The following KALRN variants were observed in gnomAD, a reference collection of about 807,000 sequenced individuals.
The protein encoded by KALRN is kalirin RhoGEF kinase, also known as kalirin.
In KALRN, 70 loss-of-function variants were observed where a neutral mutation model predicts 353.7. The ratio of observed to expected loss-of-function variants is 0.20; its 90% CI spans 0.16 to 0.24. The LOEUF (loss-of-function observed/expected upper bound fraction) is 0.24, where lower values mean the gene tolerates loss of function less well. KALRN is among the 10% of genes least tolerant of loss of function. KALRN has a pLI of 1.00. For missense variants in KALRN, 2,791 were observed against 3,756.7 expected (o/e 0.74, Z 6.72); for synonymous variants, 1,391 against 1,434.8 (o/e 0.97, Z 0.69).
At chr3:124,156,396 C>T (rs1020388944) in intron 1 of KALRN, among the ~76,000 whole-genome samples, 11 of 152,208 alleles carry the variant, frequency 7.2e-5, no homozygotes, top group Non-Finnish European at 1.5e-5. Flanking sequence ...TAGTTTACCT[C>T]TAATAGTCTC....
intron 5 of KALRN, among the ~76,000 whole-genome samples, chr3:124,292,784 G>A (rs917333691): frequency 2.6e-5 from 4 of 152,180 alleles, no homozygotes; most frequent in Non-Finnish European, 4.4e-5. Flanking sequence ...GGAAATATGT[G>A]CAATAGAATA....
chr3:124,492,716 G>A (rs1442158335), intron 31 of KALRN, 24 bp from the exon 32 acceptor site: 2 of 1,611,624 alleles, frequency 1.2e-6, no homozygotes, highest in African/African-American at 1.3e-5. Flanking sequence ...GGGGTTCTCA[G>A]TCTTTCTCCC....
At chr3:124,533,021 A>C (rs1343298927) in intron 33 of KALRN, among the ~76,000 whole-genome samples, 3 of 148,492 alleles carry the variant, frequency 2.0e-5, no homozygotes, top group African/African-American at 7.3e-5. Flanking sequence ...ACCTAATTAT[A>C]TATATAATTA....
intron 37 of KALRN, among the ~76,000 whole-genome samples, chr3:124,645,710 A>G (rs1015144390): frequency 4.0e-5 from 6 of 151,774 alleles, no homozygotes; most frequent in South Asian, 2.1e-4. Flanking sequence ...TTGTCCATCA[A>G]TAACACTTAG....
At chr3:124,612,859 G>A (rs929594303) in intron 34 of KALRN, among the ~76,000 whole-genome samples, 4 of 152,116 alleles carry the variant, frequency 2.6e-5, no homozygotes, top group African/African-American at 9.7e-5. Flanking sequence ...TAATAAAGTA[G>A]TATCTTCAAA....
In KALRN at chr3:124,048,957, G is replaced by A. The variant is rs917235780; in HGVS notation, c.73+15144G>A. On this transcript the variant is annotated intron_variant, in intron 1 of 59. Coordinates refer to ENST00000682506, the MANE Select transcript of KALRN (RefSeq NM_001388419.1). ...AAAGGCCATTCATTTTTTTGATCTT[G>A]TTCAAAGGTGACTGTAGGACAACTG... 3.9e-5 allele frequency among the ~76,000 whole-genome samples: 6 copies of A among 152,138 alleles called. No individual in the cohort carries two copies. The South Asian group carries it at 1.2e-3, about 31-fold the overall frequency.
chr3:124,315,358 C>T (rs2078705178), intron 6 of KALRN, among the ~76,000 whole-genome samples: 3 of 152,200 alleles, frequency 2.0e-5, no homozygotes, highest in African/African-American at 7.2e-5. Flanking sequence ...CTCTAGTGCA[C>T]ACATGGCCTG....
intron 25 of KALRN, among the ~76,000 whole-genome samples, chr3:124,473,298 T>A (rs1045675006): frequency 6.6e-6 from 1 of 152,224 alleles, no homozygotes; most frequent in Admixed American, 6.5e-5. Context: ...AGTAGAGTAA[T>A]GCAGAACCAC....
intron 1 of KALRN, among the ~76,000 whole-genome samples, chr3:124,125,621 G>A: frequency 6.6e-6 from 1 of 152,194 alleles, no homozygotes; most frequent in East Asian, 1.9e-4. Context: ...ATTTGAGGGA[G>A]TCTAAGGGAG....
At chr3:124,101,804 T>G (rs1238300914) in intron 1 of KALRN, among the ~76,000 whole-genome samples, 1 of 152,150 alleles carries the variant, frequency 6.6e-6, no homozygotes, top group Non-Finnish European at 1.5e-5. Context: ...CCTAACCAGG[T>G]CAGACTTGGT....
At chr3:124,543,228 C>T (rs2069234432) in intron 33 of KALRN, among the ~76,000 whole-genome samples, 1 of 152,096 alleles carries the variant, frequency 6.6e-6, no homozygotes, top group South Asian at 2.1e-4. Flanking sequence ...CTAAACCCAG[C>T]CCACACTCAA....
chr3:124,201,883 A>G (rs2075975978), intron 1 of KALRN, among the ~76,000 whole-genome samples: 1 of 152,220 alleles, frequency 6.6e-6, no homozygotes, highest in Non-Finnish European at 1.5e-5. Flanking sequence ...GTCTCTAGCT[A>G]GGTTTGGCCC....
chr3:124,201,839 G>C (rs996334106), intron 1 of KALRN, among the ~76,000 whole-genome samples: 1 of 152,224 alleles, frequency 6.6e-6, no homozygotes, highest in African/African-American at 2.4e-5. Context: ...TCCTGTCTTG[G>C]GGGAGAAGTG....
intron 37 of KALRN, among the ~76,000 whole-genome samples, chr3:124,648,178 G>A (rs908873777): frequency 1.3e-5 from 2 of 152,174 alleles, no homozygotes; most frequent in African/African-American, 2.4e-5. Flanking sequence ...GTCTTCAGAG[G>A]CCATCACTCT....
chr3:124,491,028 G>A, intron 30 of KALRN, 144 bp downstream of exon 30: 2 of 736,606 alleles, frequency 2.7e-6, no homozygotes, highest in Non-Finnish European at 4.3e-6. Context: ...CTCCTATTTG[G>A]AAAGCACCCC....
At chr3:124,540,319 A>G (rs563905636) in intron 33 of KALRN, among the ~76,000 whole-genome samples, 13 of 152,224 alleles carry the variant, frequency 8.5e-5, no homozygotes, top group Non-Finnish European at 1.3e-4. Context: ...CTTTTAGAAG[A>G]AAAATATATG....
chr3:124,152,826 A>G, intron 1 of KALRN: 1 of 247,566 alleles, frequency 4.0e-6, no homozygotes, highest in South Asian at 6.8e-5. Flanking sequence ...CATCTTGGCC[A>G]AGCTTGTCTT....
chr3:124,585,483 C>A (rs973629787), intron 34 of KALRN, among the ~76,000 whole-genome samples: 1 of 152,164 alleles, frequency 6.6e-6, no homozygotes, highest in African/African-American at 2.4e-5. Flanking sequence ...CATTAATTAA[C>A]AACTCTCTCT....
At chr3:124,119,832 A>G (rs994825292) in intron 1 of KALRN, among the ~76,000 whole-genome samples, 1 of 152,210 alleles carries the variant, frequency 6.6e-6, no homozygotes, top group African/African-American at 2.4e-5. Context: ...ACAGCTTTCA[A>G]GTGTGTCTAG....
Sources: allele counts gnomAD v4.1 joint callset (sites outside exome capture counted in the v4.1 genomes callset), GRCh38; gene constraint gnomAD v4.1.1; transcripts MANE v1.5; gene names NCBI Gene and HGNC (gene_info 2026-07-23, HGNC 2026-07-21).